TRPA1: variants seen among roughly 807,000 people sequenced by gnomAD.
The protein encoded by TRPA1 is transient receptor potential cation channel subfamily A member 1, also known as ankyrin-like with transmembrane domains 1.
In TRPA1, 129 loss-of-function variants were observed where a neutral mutation model predicts 131.3. The observed-to-expected ratio is 0.98, with a 90% CI of 0.85 to 1.14. The LOEUF (loss-of-function observed/expected upper bound fraction) is 1.14, where lower values mean the gene tolerates loss of function less well. Among genes scored for constraint, TRPA1 ranks in the 50% most tolerant of loss-of-function variants. The pLI, the probability that TRPA1 is intolerant of heterozygous loss-of-function variation, is 0.00. For missense variants in TRPA1, 1,304 were observed against 1,354.2 expected (o/e 0.96, Z 0.58); for synonymous variants, 441 against 451.7 (o/e 0.98, Z 0.30).
chr8:72,087,649 T>TA, the TRPA1 span, among the ~76,000 whole-genome samples: 2 of 149,348 alleles, frequency 1.3e-5, no homozygotes, highest in Admixed American at 6.7e-5. Flanking sequence ...TATATATATA[T>TA]TTTAATTGCA....
chr8:72,085,714 C>T, the TRPA1 span, among the ~76,000 whole-genome samples: 1 of 151,938 alleles, frequency 6.6e-6, no homozygotes, highest in South Asian at 2.1e-4. Flanking sequence ...ACCCAATCTT[C>T]TTTTTAATTG....
chr8:72,043,588 A>G (rs1228923230), intron 17 of TRPA1, among the ~76,000 whole-genome samples: 1 of 151,734 alleles, frequency 6.6e-6, no homozygotes, highest in Non-Finnish European at 1.5e-5. Flanking sequence ...TTTCTAGAAA[A>G]TTCTCAGACA....
In TRPA1 at chr8:72,024,826, G is replaced by A. The variant is rs565099697; in HGVS notation, c.3052-915C>T. Among the ~76,000 whole-genome samples the A allele has an allele frequency of 4.6e-5, 7 of 152,226 alleles. No individual in the cohort carries two copies. In the South Asian group the frequency reaches 1.4e-3, roughly 32 times the overall value. ...CGGTAGTAATTTTAACCATGGACAT[G>A]TGTGAAATCAGTTGGAGAGATACTG... is the stretch of plus-strand genomic sequence containing the variant. On this transcript the variant is annotated intron_variant, in intron 25 of 26. Transcript: ENST00000262209.
rs1805638771 is a variant in TRPA1, at chr8:72,055,449, C to T, written c.1516G>A (p.Ala506Thr). 2 of 1,612,696 alleles carry T rather than the reference C, an allele frequency of 1.2e-6. No homozygotes were observed. Among genetic ancestry groups the T allele is most frequent in the South Asian group, 1.1e-5 (1 of 91,046 alleles). The change falls in exon 12 of 27, where the codon GCA becomes ACA. Residue 506 changes from alanine (A) to threonine (T), a missense_variant. Coordinates refer to ENST00000262209, the MANE Select transcript of TRPA1 (RefSeq NM_007332.3). ...ATATATCCTCACCTGAGAAACAATGCACCTTTTTTCAGAAGAAGCTGAACT... is the reference window on the plus strand; with the variant it reads ...ATATATCCTCACCTGAGAAACAATGTACCTTTTTTCAGAAGAAGCTGAACT... The part of the protein sequence containing the change: ...KVVQLLLKKG[A>T]LFLSDHNGWT...
At chr8:72,057,076 G>T (rs755464689) in intron 9 of TRPA1, 59 bp from the exon 10 acceptor site, 3 of 1,372,784 alleles carry the variant, frequency 2.2e-6, no homozygotes, top group Non-Finnish European at 3.0e-6. Context: ...CAATGTTTAC[G>T]TGGATTTTCA....
In TRPA1 at chr8:72,022,750, A is replaced by T; in HGVS notation, c.*156T>A. 5.5e-6 allele frequency: 4 copies of T among 731,024 alleles called. No homozygotes were observed. In the South Asian group the frequency reaches 6.1e-5, roughly 11 times the overall value. The allele number at this position is 731,024 out of a possible 1,614,324, so 45.3% of individuals were successfully genotyped here. A position where few individuals can be genotyped will look rare whatever the true frequency, so the allele number is the denominator to read the frequency against. ...GATTGGTAGAAAATATGAATAGAGG[A>T]TAAAAGATGGTTTACTTTTATACAG... On this transcript the variant is annotated 3_prime_UTR_variant, in exon 27 of 27. Coordinates refer to ENST00000262209, the MANE Select transcript of TRPA1 (RefSeq NM_007332.3).
intron 1 of TRPA1, among the ~76,000 whole-genome samples, chr8:72,072,936 CATCTCA>C (rs1403697013): frequency 6.6e-6 from 1 of 152,138 alleles, no homozygotes; most frequent in Non-Finnish European, 1.5e-5. Context: ...CGTACTAGAT[CATCTCA>C]ATCAGTACCT....
At position 72,033,714 on chromosome 8, in the gene TRPA1, T is replaced by C. The variant is rs1811922069; in HGVS notation, c.2798A>G (p.His933Arg). ...AAGTTGTGCAAAGGACAGAACTGGATGTGCCAATTCATTTCTCAGATATGG... is the reference window on the plus strand; with the variant it reads ...AAGTTGTGCAAAGGACAGAACTGGACGTGCCAATTCATTTCTCAGATATGG... Reference protein sequence around the residue: ...LEPYLRNELAHPVLSFAQLVS... With the variant: ...LEPYLRNELARPVLSFAQLVS... Residue 933 changes from histidine (H) to arginine (R), a missense_variant, in exon 23 of 27, where the codon CAT (histidine) becomes CGT (arginine). Transcript: ENST00000262209. The C allele has an allele frequency of 6.2e-7, 1 of 1,614,030 alleles. No homozygotes were observed.
the TRPA1 span, among the ~76,000 whole-genome samples, chr8:72,084,150 G>A: frequency 6.6e-6 from 1 of 152,092 alleles, no homozygotes; most frequent in African/African-American, 2.4e-5. Context: ...AGTTTTGGAA[G>A]CACTCACCTA....
At chr8:72,029,827 C>T in intron 24 of TRPA1, 74 bp downstream of exon 24, 1 of 1,435,054 alleles carries the variant, frequency 7.0e-7, no homozygotes, top group Non-Finnish European at 9.8e-7. Context: ...CCATTTTTGA[C>T]TTGTAATATT....
chr8:72,086,961 C>T, the TRPA1 span, among the ~76,000 whole-genome samples: 2 of 152,126 alleles, frequency 1.3e-5, no homozygotes, highest in African/African-American at 4.8e-5. Flanking sequence ...CTAAAATGGC[C>T]TATGTTGGTA....
rs771776111 is a variant in TRPA1 at position 72,055,591 on chromosome 8, A to G, written c.1374T>C (p.Arg458=). ...SPLHFAASYG[R]INTCQRLLQD... ...GTAGGAGCCTCTGACAGGTATTGAT[A>G]CGCCCATAACTTGGAAAAAATTAGG... The change falls in exon 12 of 27, where the codon CGT becomes CGC. Residue 458 remains arginine, a synonymous_variant. Coordinates refer to ENST00000262209, the MANE Select transcript of TRPA1 (RefSeq NM_007332.3). The G allele has an allele frequency of 1.2e-6, 2 of 1,613,454 alleles. No individual in the cohort carries two copies. Among genetic ancestry groups the G allele is most frequent in the Non-Finnish European group, 8.5e-7 (1 of 1,179,548 alleles).
chr8:72,029,995 A>C (rs760649226), intron 23 of TRPA1, 26 bp from the exon 24 acceptor site: 13 of 1,602,254 alleles, frequency 8.1e-6, no homozygotes, highest in Non-Finnish European at 1.1e-5. Flanking sequence ...AAATTAAATC[A>C]CTACAGTTGA....
rs574270169 is a variant in TRPA1, at chr8:72,044,207, G to GA, written c.2061+2305dup. On this transcript the variant is annotated intron_variant, in intron 17 of 26. Transcript: ENST00000262209. ...AAGCTATATATCTAGCTATTCTTGG[G>GA]AAAAAAAAAAAAACTGGCAAGATCT... 9.7e-3 allele frequency among the ~76,000 whole-genome samples: 1,300 copies of GA among 133,888 alleles called. 11 individuals are homozygous for GA. The highest frequency in any genetic ancestry group is 0.02 in the African/African-American group (761 of 37,180). The allele number at this position is 133,888 out of a possible 152,430, so 87.8% of individuals were successfully genotyped here.
chr8:72,065,302 A>C (rs975318538), intron 4 of TRPA1, 149 bp downstream of exon 4: 3 of 664,398 alleles, frequency 4.5e-6, no homozygotes, highest in Non-Finnish European at 7.6e-6. Context: ...CATATACAAA[A>C]ACACATAGAA....
chr8:72,036,005 C>CAAAAAAAAAAAAAAAAAA (rs58197251), intron 21 of TRPA1, among the ~76,000 whole-genome samples: 4 of 44,968 alleles, frequency 8.9e-5, no homozygotes, highest in East Asian at 7.2e-4. Flanking sequence ...TCCCCCTCCA[C>CAAAAAAAAAAAAAAAAAA]AAAAAAAAAA....
chr8:72,062,925 A>G lies in TRPA1; in HGVS notation c.681T>C (p.Ser227=). 6.2e-7 allele frequency: 1 copy of G among 1,613,956 alleles called. No individual in the cohort carries two copies. Among genetic ancestry groups the G allele is most frequent in the Non-Finnish European group, 8.5e-7 (1 of 1,179,944 alleles). ...TCATAAAGTTAATGTGCAACTGTCT[A>G]CTGTACCCATGCTCTTCACCTTGAG... ...ILRFGEEHGY[S]RQLHINFMNN... Residue 227 remains serine, a synonymous_variant, in exon 6 of 27, where the codon AGT becomes AGC. Coordinates refer to ENST00000262209, the MANE Select transcript of TRPA1 (RefSeq NM_007332.3).
the TRPA1 span, among the ~76,000 whole-genome samples, chr8:72,083,599 CG>C: frequency 3.3e-5 from 5 of 151,144 alleles, no homozygotes; most frequent in Admixed American, 1.3e-4. Flanking sequence ...AAAAATTAGC[CG>C]GGCATGGTGG....
At chr8:72,036,488 A>G (rs1258006730) in intron 20 of TRPA1, 31 bp from the exon 21 acceptor site, 1 of 1,589,446 alleles carries the variant, frequency 6.3e-7, no homozygotes, top group Admixed American at 1.7e-5. Context: ...AAATTACCAC[A>G]TATAGAGACC....
Sources: allele counts gnomAD v4.1 joint callset (sites outside exome capture counted in the v4.1 genomes callset), GRCh38; gene constraint gnomAD v4.1.1; transcripts MANE v1.5; gene names NCBI Gene and HGNC (gene_info 2026-07-23, HGNC 2026-07-21).